Variants in CDH8 observed in about 807,000 individuals in gnomAD.
CDH8 encodes cadherin-8.
A neutral mutation model predicts 68.1 loss-of-function variants in CDH8; 17 were observed. The ratio of observed to expected loss-of-function variants is 0.25; its 90% CI spans 0.17 to 0.37. The LOEUF is 0.37. Among genes scored for constraint, CDH8 ranks in the 10% least tolerant of loss-of-function variants. CDH8 has a pLI of 1.00. For missense variants in CDH8, 763 were observed against 999.3 expected, an observed-to-expected ratio of 0.76 and a Z score of 3.19; for synonymous variants, 372 against 365.1, an observed-to-expected ratio of 1.02 and a Z score of -0.21.
intron 9 of CDH8, 137 bp downstream of exon 9, chr16:61,726,957 G>T (rs535549193): frequency 2.2e-6 from 2 of 901,904 alleles, no homozygotes; most frequent in South Asian, 3.6e-5. Flanking sequence ...TTCCCTCTCT[G>T]TTCCCATTTG....
chr16:61,991,015 G>C (rs1263342320), intron 2 of CDH8, among the ~76,000 whole-genome samples: 1 of 151,784 alleles, frequency 6.6e-6, no homozygotes, highest in Non-Finnish European at 1.5e-5. Context: ...AGGAAGGGAG[G>C]AGAAGGGAGC....
At chr16:61,683,380 C>T (rs1239280362) in intron 10 of CDH8, among the ~76,000 whole-genome samples, 1 of 151,864 alleles carries the variant, frequency 6.6e-6, no homozygotes, top group Admixed American at 6.6e-5. Flanking sequence ...ATTAACAGAC[C>T]TTTAGAAGGA....
intron 3 of CDH8, among the ~76,000 whole-genome samples, chr16:61,880,491 G>C (rs147582990): frequency 1.3e-3 from 201 of 152,318 alleles, no homozygotes; most frequent in African/African-American, 4.7e-3. Flanking sequence ...AGCTCATTAA[G>C]CTGGAACTTG....
At chr16:61,655,205 A>G (rs1475998975) in intron 11 of CDH8, among the ~76,000 whole-genome samples, 1 of 152,124 alleles carries the variant, frequency 6.6e-6, no homozygotes, top group Non-Finnish European at 1.5e-5. Flanking sequence ...GCCCTTCTCC[A>G]CTGCCACCAC....
At chr16:61,722,179 G>T (rs533560143) in intron 9 of CDH8, among the ~76,000 whole-genome samples, 1 of 150,752 alleles carries the variant, frequency 6.6e-6, no homozygotes, top group South Asian at 2.1e-4. Flanking sequence ...AACAAACTGA[G>T]GTCATTGTCC....
At chr16:62,016,072 T>C (rs1901932395) in intron 2 of CDH8, among the ~76,000 whole-genome samples, 1 of 152,196 alleles carries the variant, frequency 6.6e-6, no homozygotes, top group South Asian at 2.1e-4. Context: ...TTTTTCTCTT[T>C]ATCCCTGAAC....
chr16:61,841,467 T>C (rs1962681899), intron 4 of CDH8, among the ~76,000 whole-genome samples: 1 of 152,124 alleles, frequency 6.6e-6, no homozygotes, highest in African/African-American at 2.4e-5. Flanking sequence ...TTGTGGAATC[T>C]ACAAATCAAA....
chr16:61,679,330 G>A (rs1053667066), intron 10 of CDH8, among the ~76,000 whole-genome samples: 1 of 151,836 alleles, frequency 6.6e-6, no homozygotes, highest in African/African-American at 2.4e-5. Context: ...GACATTATCA[G>A]GAAAATCTTC....
At chr16:61,751,444 A>T (rs1960161319) in intron 8 of CDH8, among the ~76,000 whole-genome samples, 1 of 151,086 alleles carries the variant, frequency 6.6e-6, no homozygotes, top group Non-Finnish European at 1.5e-5. Context: ...AATTTACTTA[A>T]ACATGACACT....
At chr16:61,705,647 C>T (rs1385143599) in intron 10 of CDH8, among the ~76,000 whole-genome samples, 1 of 152,122 alleles carries the variant, frequency 6.6e-6, no homozygotes, top group African/African-American at 2.4e-5. Flanking sequence ...ACCATTCTGA[C>T]CAGACAAATG....
At chr16:61,921,249 T>TAAA (rs1964361578) in intron 2 of CDH8, among the ~76,000 whole-genome samples, 1 of 147,494 alleles carries the variant, frequency 6.8e-6, no homozygotes, top group East Asian at 2.0e-4. Flanking sequence ...AAACTTAAAG[T>TAAA]ATAATAATAA....
At chr16:61,696,242 C>T (rs150310594) in intron 10 of CDH8, among the ~76,000 whole-genome samples, 3,390 of 152,254 alleles carry the variant, frequency 0.022, 66 homozygotes, top group Non-Finnish European at 0.033. Flanking sequence ...TGCTTTAAAA[C>T]GGACCTTCCT....
intron 10 of CDH8, among the ~76,000 whole-genome samples, chr16:61,661,153 G>T (rs1963549608): frequency 6.6e-6 from 1 of 151,852 alleles, no homozygotes; most frequent in Non-Finnish European, 1.5e-5. Flanking sequence ...AAATTAAAAA[G>T]TAATAGTGGC....
intron 2 of CDH8, among the ~76,000 whole-genome samples, chr16:62,019,797 G>A (rs897408863): frequency 1.3e-5 from 2 of 152,108 alleles, no homozygotes; most frequent in Non-Finnish European, 2.9e-5. Flanking sequence ...ACATATATAT[G>A]CATATACTGA....
chr16:61,728,073 T>C lies in CDH8; in HGVS notation c.1415-858A>G, dbSNP rs572277740. 4.0e-4 allele frequency among the ~76,000 whole-genome samples: 61 copies of C among 151,238 alleles called. No individual in the cohort carries two copies. In the South Asian group the frequency reaches 4.8e-3, roughly 12 times the overall value. On this transcript the variant is annotated intron_variant, in intron 8 of 11. Transcript: ENST00000577390. ...AATAATCTTTTGATCTGTTATAAAT[T>C]ATACAGAATGCATTGGAGATAGCCA...
chr16:61,670,746 T>C (rs4784148), intron 10 of CDH8, among the ~76,000 whole-genome samples: 48,028 of 151,714 alleles, frequency 0.32, 7,827 homozygotes, highest in African/African-American at 0.38. Context: ...ATGGATAGCA[T>C]TGAACCCTAT....
intron 8 of CDH8, among the ~76,000 whole-genome samples, chr16:61,736,108 A>AAGGAAGGAAGGAAGGAAGG (rs1567446448): frequency 1.5e-5 from 1 of 64,770 alleles, no homozygotes; most frequent in African/African-American, 5.7e-5. Context: ...GGAAAGAAAG[A>AAGGAAGGAAGGAAGGAAGG]AAGAAAGGAA....
At chr16:61,767,879 A>C (rs1283986151) in intron 8 of CDH8, among the ~76,000 whole-genome samples, 15 of 151,870 alleles carry the variant, frequency 9.9e-5, no homozygotes, top group South Asian at 8.3e-4. Flanking sequence ...GTCTGCCTCA[A>C]AGCCTGGCTC....
intron 1 of CDH8, among the ~76,000 whole-genome samples, chr16:62,034,057 G>C (rs1902391694): frequency 6.6e-6 from 1 of 152,056 alleles, no homozygotes; most frequent in South Asian, 2.1e-4. Context: ...AACATGTCTG[G>C]ACATGATGAT....
Sources: allele counts gnomAD v4.1 joint callset (sites outside exome capture counted in the v4.1 genomes callset), GRCh38; gene constraint gnomAD v4.1.1; transcripts MANE v1.5; gene names NCBI Gene and HGNC (gene_info 2026-07-23, HGNC 2026-07-21).